Variants in DOCK4 observed in about 807,000 individuals in gnomAD.
The protein encoded by DOCK4 is dedicator of cytokinesis protein 4.
In DOCK4, 97 loss-of-function variants were observed where a neutral mutation model predicts 268.1. The ratio of observed to expected loss-of-function variants is 0.36; its 90% CI spans 0.31 to 0.43. DOCK4 has a LOEUF of 0.43. DOCK4 is among the 20% of genes least tolerant of loss of function. The pLI is 1.00. For synonymous variants in DOCK4, 954 were observed against 887.2 expected, an observed-to-expected ratio of 1.08 and a Z score of -1.34; for missense variants, 2,145 against 2,455.7, an observed-to-expected ratio of 0.87 and a Z score of 2.67.
chr7:111,971,458 T>A, intron 8 of DOCK4: 1 of 229,162 alleles, frequency 4.4e-6, no homozygotes, highest in Admixed American at 5.3e-5. Context: ...TAGTCTTGCC[T>A]TCCCCTTGAT....
intron 50 of DOCK4, 106 bp downstream of exon 50, chr7:111,736,811 A>G (rs1795523658): frequency 2.1e-6 from 2 of 970,628 alleles, no homozygotes; most frequent in South Asian, 2.8e-5. Flanking sequence ...CCTGATCATT[A>G]AAGAGCTAGA....
chr7:112,185,520 G>A (rs542561380), intron 1 of DOCK4, among the ~76,000 whole-genome samples: 13 of 151,922 alleles, frequency 8.6e-5, no homozygotes, highest in Non-Finnish European at 1.8e-4. Flanking sequence ...AAACAGGAAA[G>A]GGATGACTTA....
At chr7:112,074,180 T>G (rs1383784789) in intron 1 of DOCK4, among the ~76,000 whole-genome samples, 1 of 152,238 alleles carries the variant, frequency 6.6e-6, no homozygotes, top group Non-Finnish European at 1.5e-5. Flanking sequence ...TACAAAATAA[T>G]TTGGGTTAAA....
chr7:111,862,284 G>A (rs970376770), intron 23 of DOCK4, among the ~76,000 whole-genome samples: 4 of 151,872 alleles, frequency 2.6e-5, no homozygotes, highest in African/African-American at 9.7e-5. Flanking sequence ...GGGCAACAGA[G>A]CAAGACTCTG....
At chr7:111,860,939 T>A (rs763979196) in intron 23 of DOCK4, among the ~76,000 whole-genome samples, 21 of 152,310 alleles carry the variant, frequency 1.4e-4, no homozygotes, top group Non-Finnish European at 3.1e-4. Flanking sequence ...TTCCTTACAT[T>A]TGAAAACAAT....
chr7:111,935,694 T>A, intron 11 of DOCK4, 66 bp from the exon 12 acceptor site: 1 of 1,376,542 alleles, frequency 7.3e-7, no homozygotes, highest in Non-Finnish European at 1.0e-6. Flanking sequence ...ATCCTCATAG[T>A]ACATCTGCCC....
At chr7:111,812,323 A>G (rs1320981946) in intron 27 of DOCK4, among the ~76,000 whole-genome samples, 1 of 152,124 alleles carries the variant, frequency 6.6e-6, no homozygotes, top group Non-Finnish European at 1.5e-5. Context: ...TCTGTTGTCC[A>G]GGCTGGAGTG....
At position 111,822,372 on chromosome 7, in the gene DOCK4, C is replaced by A. The variant is rs1951747064; in HGVS notation, c.2920G>T (p.Val974Phe). Residue 974 changes from valine to phenylalanine, a missense_variant, in exon 27 of 53, where the codon GTT (valine) becomes TTT (phenylalanine). Around this residue, in one of 2 missense-constraint regions of DOCK4, gnomAD observed 1,598 missense variants for 1,986.7 expected, o/e 0.80. Transcript: ENST00000428084. ...ACTTAAATGTCTTACTTGTTAGCAACCAAGCGCATAACAGTCCAGTCCTTT... is the reference window on the plus strand; with the variant it reads ...ACTTAAATGTCTTACTTGTTAGCAAACAAGCGCATAACAGTCCAGTCCTTT... ...FPKDWTVMRL[V>F]ANNVIITTVL... 6.2e-7 allele frequency: 1 copy of A among 1,612,946 alleles called. No homozygotes were observed. The highest frequency in any genetic ancestry group is 8.5e-7 in the Non-Finnish European group (1 of 1,179,408).
At position 111,916,491 on chromosome 7, in the gene DOCK4, T is replaced by C. The variant is rs531509971; in HGVS notation, c.1067-587A>G. Among the ~76,000 whole-genome samples, 30 of 152,266 alleles carry C rather than the reference T, an allele frequency of 2.0e-4. No homozygotes were observed. The South Asian group carries it at 5.4e-3, about 27-fold the overall frequency. On this transcript the variant is annotated intron_variant, in intron 12 of 52. Transcript: ENST00000428084. ...AGAAACTCATGATGACATGATTTTC[T>C]AGTGAGGAGAATTTAGCAGAATACA...
intron 30 of DOCK4, among the ~76,000 whole-genome samples, chr7:111,795,071 T>G (rs906324134): frequency 2.6e-5 from 4 of 152,146 alleles, no homozygotes; most frequent in African/African-American, 9.7e-5. Context: ...ATGTGTCATT[T>G]GTCCCATATT....
At chr7:112,198,264 G>A (rs1002677540) in intron 1 of DOCK4, among the ~76,000 whole-genome samples, 1 of 152,012 alleles carries the variant, frequency 6.6e-6, no homozygotes, top group African/African-American at 2.4e-5. Context: ...CCCACGTGAA[G>A]ATACAGCAAG....
chr7:112,137,401 G>A (rs1232408413), intron 1 of DOCK4, among the ~76,000 whole-genome samples: 1 of 152,114 alleles, frequency 6.6e-6, no homozygotes, highest in East Asian at 1.9e-4. Flanking sequence ...TTGAGAGGTT[G>A]CAAAGCATTT....
intron 16 of DOCK4, among the ~76,000 whole-genome samples, chr7:111,894,934 G>A (rs1173226401): frequency 6.6e-6 from 1 of 152,180 alleles, no homozygotes; most frequent in Non-Finnish European, 1.5e-5. Context: ...ATAGGTGAGA[G>A]TTGATAAGGG....
chr7:111,756,106 T>G lies in DOCK4; in HGVS notation c.4330-505A>C, dbSNP rs185868126. Among the ~76,000 whole-genome samples, 1,131 of 152,268 alleles carry G rather than the reference T, an allele frequency of 7.4e-3. 19 individuals are homozygous for G. The highest frequency in any genetic ancestry group is 0.025 in the African/African-American group (1,058 of 41,562). ...GCTCACGCCTGTAATCCCAGCACTT[T>G]GGGAGGCCAAGGCAGGCAGATCATG... On this transcript the variant is annotated intron_variant, in intron 41 of 52. Coordinates refer to ENST00000428084, the MANE Select transcript of DOCK4 (RefSeq NM_001363540.2).
chr7:111,741,801 T>A, intron 45 of DOCK4, 140 bp from the exon 46 acceptor site: 1 of 1,302,798 alleles, frequency 7.7e-7, no homozygotes, highest in Non-Finnish European at 1.0e-6. Flanking sequence ...AGTTCCAGTA[T>A]TATTTGGCTT....
intron 30 of DOCK4, among the ~76,000 whole-genome samples, chr7:111,796,455 G>T (rs1433758267): frequency 2.6e-5 from 4 of 152,158 alleles, no homozygotes. Context: ...TGCTACTTCT[G>T]TGATGAGGAA....
chr7:112,004,411 G>A (rs1225329762), intron 1 of DOCK4, among the ~76,000 whole-genome samples: 1 of 152,054 alleles, frequency 6.6e-6, no homozygotes, highest in Non-Finnish European at 1.5e-5. Context: ...ATAAACAAAG[G>A]TATTGCCTGA....
intron 23 of DOCK4, among the ~76,000 whole-genome samples, chr7:111,848,207 G>A (rs1482667564): frequency 2.0e-5 from 3 of 151,948 alleles, no homozygotes; most frequent in African/African-American, 7.2e-5. Flanking sequence ...CCCTCTTTTT[G>A]TTCAACTTCC....
intron 26 of DOCK4, among the ~76,000 whole-genome samples, chr7:111,826,179 G>C (rs1173642471): frequency 6.6e-6 from 1 of 152,148 alleles, no homozygotes; most frequent in Admixed American, 6.5e-5. Flanking sequence ...AAGTCTGAAG[G>C]TCAGGTATTC....
Sources: gnomAD v4.1 joint callset for allele counts (sites outside exome capture counted in the v4.1 genomes callset) on GRCh38, gnomAD v4.1.1 for gene constraint, gnomAD v4.1.1 regional missense constraint, MANE v1.5 for transcripts, NCBI Gene and HGNC (gene_info 2026-07-23, HGNC 2026-07-21) for gene names.